Variants in PPARGC1A observed in about 807,000 individuals in gnomAD.
The protein encoded by PPARGC1A is peroxisome proliferator-activated receptor gamma coactivator 1-alpha.
In PPARGC1A, 25 loss-of-function variants were observed where a neutral mutation model predicts 88.7. The observed-to-expected ratio is 0.28, with a 90% CI of 0.21 to 0.39. The LOEUF (loss-of-function observed/expected upper bound fraction) is 0.39. PPARGC1A is among the 10% of genes least tolerant of loss of function. The probability of loss-of-function intolerance (pLI) is 1.00; values close to 1 mark genes in which losing one functional copy is unlikely to be tolerated. For missense variants in PPARGC1A, 880 were observed against 968.7 expected (o/e 0.91, Z 1.22); for synonymous variants, 363 against 355.6 (o/e 1.02, Z -0.24).
chr4:24,322,772 A>C, the PPARGC1A span, among the ~76,000 whole-genome samples: 1 of 152,186 alleles, frequency 6.6e-6, no homozygotes, highest in Admixed American at 6.5e-5. Flanking sequence ...TGGGAGAGTC[A>C]GGTTTTTAGC....
the PPARGC1A span, among the ~76,000 whole-genome samples, chr4:24,249,422 C>T: frequency 1.3e-5 from 2 of 152,190 alleles, no homozygotes; most frequent in African/African-American, 4.8e-5. Context: ...GACACATACA[C>T]AGGCCTTGCC....
At chr4:24,452,942 G>T in the PPARGC1A span, among the ~76,000 whole-genome samples, 63 of 152,300 alleles carry the variant, frequency 4.1e-4, no homozygotes, top group African/African-American at 1.5e-3. Flanking sequence ...GGAAATTCAT[G>T]TTGAAGTCTT....
chr4:24,375,775 C>A, the PPARGC1A span, among the ~76,000 whole-genome samples: 1 of 152,100 alleles, frequency 6.6e-6, no homozygotes, highest in Non-Finnish European at 1.5e-5. Flanking sequence ...CACAGGGATG[C>A]TTTCTCTGAA....
At chr4:23,893,012 TAGAA>T (rs773875601), upstream of PPARGC1A, among the ~76,000 whole-genome samples, 6 of 152,052 alleles carry the variant, frequency 3.9e-5, no homozygotes, top group Non-Finnish European at 7.4e-5. Flanking sequence ...TTCTCAACAA[TAGAA>T]AGAGGTATTT....
chr4:24,238,371 G>A, the PPARGC1A span, among the ~76,000 whole-genome samples: 1 of 152,192 alleles, frequency 6.6e-6, no homozygotes, highest in Admixed American at 6.5e-5. Context: ...ATTAGCTAGA[G>A]AACTTGCAAC....
chr4:24,417,102 G>C, the PPARGC1A span, among the ~76,000 whole-genome samples: 2 of 152,044 alleles, frequency 1.3e-5, no homozygotes, highest in African/African-American at 2.4e-5. Flanking sequence ...GTGACAACTG[G>C]TAGGAAAGGA....
At chr4:23,806,358 A>G (rs1719807404) in intron 10 of PPARGC1A, among the ~76,000 whole-genome samples, 2 of 152,218 alleles carry the variant, frequency 1.3e-5, no homozygotes, top group African/African-American at 4.8e-5. Flanking sequence ...TTGCAGTTGT[A>G]TTAGACAGAT....
the PPARGC1A span, among the ~76,000 whole-genome samples, chr4:24,332,290 T>A: frequency 3.9e-5 from 6 of 152,008 alleles, no homozygotes; most frequent in Non-Finnish European, 7.4e-5. Context: ...GAAGAGTGCA[T>A]TTAAAGCTGG....
the PPARGC1A span, among the ~76,000 whole-genome samples, chr4:24,319,344 C>T: frequency 2.0e-5 from 3 of 152,036 alleles, no homozygotes; most frequent in African/African-American, 7.3e-5. Context: ...GAGACCCTAC[C>T]TCAAAAAATA....
chr4:24,171,128 C>G, the PPARGC1A span, among the ~76,000 whole-genome samples: 1 of 152,070 alleles, frequency 6.6e-6, no homozygotes, highest in South Asian at 2.1e-4. Flanking sequence ...TTTAAGTGTC[C>G]CGGCCAGGCG....
At chr4:24,013,269 A>G in the PPARGC1A span, among the ~76,000 whole-genome samples, 1 of 152,114 alleles carries the variant, frequency 6.6e-6, no homozygotes, top group African/African-American at 2.4e-5. Context: ...CTAAAATTCT[A>G]CCCAATTTCA....
chr4:23,930,494 A>G, the PPARGC1A span, among the ~76,000 whole-genome samples: 1 of 152,158 alleles, frequency 6.6e-6, no homozygotes, highest in Non-Finnish European at 1.5e-5. Flanking sequence ...AACAACAACA[A>G]TGATGACAAA....
the PPARGC1A span, among the ~76,000 whole-genome samples, chr4:24,324,793 TCATC>T: frequency 6.6e-6 from 1 of 152,074 alleles, no homozygotes; most frequent in African/African-American, 2.4e-5. Flanking sequence ...TCGTCCCAAA[TCATC>T]CTTCTTTCCC....
chr4:24,117,065 G>A, the PPARGC1A span, among the ~76,000 whole-genome samples: 241 of 151,522 alleles, frequency 1.6e-3, 1 homozygote, highest in Admixed American at 2.6e-3. Flanking sequence ...AAAAATCACA[G>A]AAAATACATA....
At chr4:24,300,418 C>T in the PPARGC1A span, among the ~76,000 whole-genome samples, 1 of 124,764 alleles carries the variant, frequency 8.0e-6, no homozygotes, top group East Asian at 2.6e-4. Context: ...ATATATGTGC[C>T]CGGAAGATGA....
the PPARGC1A span, among the ~76,000 whole-genome samples, chr4:23,993,327 C>G: frequency 6.6e-6 from 1 of 151,968 alleles, no homozygotes; most frequent in Non-Finnish European, 1.5e-5. Flanking sequence ...AGATTTAACC[C>G]CTGTAATGTA....
chr4:24,178,418 A>G, the PPARGC1A span, among the ~76,000 whole-genome samples: 1 of 152,198 alleles, frequency 6.6e-6, no homozygotes, highest in South Asian at 2.1e-4. Context: ...TCATAAACAT[A>G]CATGGGGCTA....
chr4:23,962,255 G>T, the PPARGC1A span, among the ~76,000 whole-genome samples: 1 of 152,026 alleles, frequency 6.6e-6, no homozygotes, highest in Non-Finnish European at 1.5e-5. Flanking sequence ...TATATTATGG[G>T]GGAAAGAAAG....
At chr4:24,423,482 T>A in the PPARGC1A span, among the ~76,000 whole-genome samples, 1 of 152,168 alleles carries the variant, frequency 6.6e-6, no homozygotes, top group African/African-American at 2.4e-5. Flanking sequence ...AGAAGTATTC[T>A]ATTTGTAATC....
Sources: allele counts gnomAD v4.1 joint callset (sites outside exome capture counted in the v4.1 genomes callset), GRCh38; gene constraint gnomAD v4.1.1; transcripts MANE v1.5; gene names NCBI Gene and HGNC (gene_info 2026-07-23, HGNC 2026-07-21).